The following MPHOSPH9 variants were observed in gnomAD, a reference collection of about 807,000 sequenced individuals.
The protein encoded by MPHOSPH9 is M-phase phosphoprotein 9.
Under a neutral mutation model 145.5 loss-of-function variants are expected in MPHOSPH9, and 88 were observed. The observed-to-expected ratio is 0.60, with a 90% CI of 0.51 to 0.72. MPHOSPH9 has a LOEUF of 0.72. Among genes scored for constraint, MPHOSPH9 ranks in the 30% least tolerant of loss-of-function variants. The pLI is 0.00. For missense variants in MPHOSPH9, 1,238 were observed against 1,386.6 expected (o/e 0.89, Z 1.70); for synonymous variants, 435 against 486.2 (o/e 0.89, Z 1.39).
Position 123,228,461 on chromosome 12 carries a change from G to A in MPHOSPH9, c.105-845C>T, listed in dbSNP as rs564910700. On this transcript the variant is annotated intron_variant, in intron 2 of 23. Coordinates refer to ENST00000606320, the MANE Select transcript of MPHOSPH9 (RefSeq NM_022782.4). ...TCCCAGCACTTTGGGAGGCCAAGGC[G>A]GGCGGATCACCAGGTCAGGAGATCA... 1.8e-4 allele frequency among the ~76,000 whole-genome samples: 28 copies of A among 152,280 alleles called. No individual in the cohort carries two copies. In the South Asian group the frequency reaches 3.1e-3, roughly 17 times the overall value.
chr12:123,202,472 TAAC>T, intron 10 of MPHOSPH9, 149 bp downstream of exon 10: 7 of 1,194,428 alleles, frequency 5.9e-6, no homozygotes, highest in Non-Finnish European at 8.0e-6. Context: ...CACAAAAAGT[TAAC>T]AATCAAGTGA....
At chr12:123,225,530 AAGGG>A (rs2047405991) in intron 3 of MPHOSPH9, among the ~76,000 whole-genome samples, 2 of 50,262 alleles carry the variant, frequency 4.0e-5, no homozygotes, top group South Asian at 1.3e-3. Flanking sequence ...GGAAGAAAGG[AAGGG>A]AGGGAGGGAG....
At chr12:123,197,659 G>A (rs2046024109) in intron 12 of MPHOSPH9, among the ~76,000 whole-genome samples, 1 of 151,962 alleles carries the variant, frequency 6.6e-6, no homozygotes, top group Admixed American at 6.6e-5. Flanking sequence ...GCATGCACCT[G>A]TAGTCCCAGC....
chr12:123,210,195 G>T, intron 7 of MPHOSPH9, 33 bp from the exon 8 acceptor site: 1 of 1,353,768 alleles, frequency 7.4e-7, no homozygotes, highest in Non-Finnish European at 1.0e-6. Flanking sequence ...ATAGAAAAGA[G>T]TGAGAAAAAA....
chr12:123,223,265 T>C (rs2047291277), intron 3 of MPHOSPH9, 138 bp from the exon 4 acceptor site: 6 of 451,290 alleles, frequency 1.3e-5, no homozygotes. Context: ...CTCTCATAGC[T>C]AGAGTATGCT....
At chr12:123,152,524 A>G, downstream of MPHOSPH9, 1 of 455,450 alleles carries the variant, frequency 2.2e-6, no homozygotes, top group Non-Finnish European at 4.4e-6. Flanking sequence ...AAATTGTTAG[A>G]TGTAAAAATT....
chr12:123,180,893 T>C (rs777293649), intron 14 of MPHOSPH9, among the ~76,000 whole-genome samples: 29 of 152,228 alleles, frequency 1.9e-4, no homozygotes, highest in Admixed American at 5.2e-4. Flanking sequence ...TGCATCTGTA[T>C]GGTACCTTAT....
In MPHOSPH9 at chr12:123,239,252, G is replaced by C. The variant is rs2047893971; in HGVS notation, c.-159+4601C>G. On this transcript the variant is annotated intron_variant, in intron 1 of 2. Transcript: ENST00000545406. ...CCACTATACTCCAGCCTGGGTGATG[G>C]AGCCAGACTGGTCTCAAAATAATAA... 2.6e-5 allele frequency among the ~76,000 whole-genome samples: 4 copies of C among 152,192 alleles called. No homozygotes were observed. The South Asian group carries it at 8.3e-4, about 31-fold the overall frequency.
intron 13 of MPHOSPH9, among the ~76,000 whole-genome samples, chr12:123,187,985 G>C (rs1482709877): frequency 6.6e-6 from 1 of 152,138 alleles, no homozygotes; most frequent in African/African-American, 2.4e-5. Context: ...GAATTAGTGA[G>C]GCATGGTGGT....
rs552212201 is a variant in MPHOSPH9, at chr12:123,207,574, C to T, written c.1194+2482G>A. Among the ~76,000 whole-genome samples, 21 of 152,254 alleles carry T rather than the reference C, an allele frequency of 1.4e-4. No homozygotes were observed. The East Asian group carries it at 2.3e-3, about 17-fold the overall frequency. On this transcript the variant is annotated intron_variant, in intron 8 of 23. Transcript: ENST00000606320. ...CCTGATCAAAATACAGAAATGAAGG[C>T]CGGGTGCACTAGCTCATGCCTGTAA...
chr12:123,157,317 ACTTT>A (rs1240982049), intron 23 of MPHOSPH9, among the ~76,000 whole-genome samples: 1 of 152,094 alleles, frequency 6.6e-6, no homozygotes, highest in Non-Finnish European at 1.5e-5. Flanking sequence ...AGATCAAATA[ACTTT>A]CTTCTCACCA....
intron 8 of MPHOSPH9, among the ~76,000 whole-genome samples, chr12:123,206,882 C>A (rs960723122): frequency 6.6e-6 from 1 of 150,758 alleles, no homozygotes; most frequent in Admixed American, 6.6e-5. Flanking sequence ...CCACTGCACT[C>A]CAGCCTGGCA....
chr12:123,153,217 A>G (rs1013344670), downstream of MPHOSPH9: 1 of 152,238 alleles, frequency 6.6e-6, no homozygotes, highest in Non-Finnish European at 1.5e-5. Flanking sequence ...ACCTATATTT[A>G]TACCAAATAA....
rs1486618026 is a variant in MPHOSPH9, at chr12:123,218,587, G to A, written c.873-88C>T. 41 of 1,290,492 alleles carry A rather than the reference G, an allele frequency of 3.2e-5. No homozygotes were observed. In the South Asian group the frequency reaches 3.8e-4, roughly 12 times the overall value. 79.9% of individuals were successfully genotyped at this position (1,290,492 alleles called of 1,614,324 possible). On this transcript the variant is annotated intron_variant, in intron 5 of 23. Coordinates refer to ENST00000606320, the MANE Select transcript of MPHOSPH9 (RefSeq NM_022782.4). ...GTCGCCCAGGCTGGAGTACGGTGGCGCAATCTCAGTTCACTGCAACCTCCA... is the reference window on the plus strand; with the variant it reads ...GTCGCCCAGGCTGGAGTACGGTGGCACAATCTCAGTTCACTGCAACCTCCA...
intron 8 of MPHOSPH9, among the ~76,000 whole-genome samples, chr12:123,209,739 T>C (rs2046620834): frequency 7.0e-6 from 1 of 143,244 alleles, no homozygotes; most frequent in Non-Finnish European, 1.5e-5. Context: ...GTTTTGTTGT[T>C]TTTTTTTTTT....
chr12:123,153,628 C>T (rs1212828327), downstream of MPHOSPH9, among the ~76,000 whole-genome samples: 1 of 151,666 alleles, frequency 6.6e-6, no homozygotes, highest in Non-Finnish European at 1.5e-5. Flanking sequence ...ATTAACCAGG[C>T]GTGGTATGCA....
intron 16 of MPHOSPH9, among the ~76,000 whole-genome samples, chr12:123,175,306 G>A (rs2044794756): frequency 1.3e-5 from 2 of 151,888 alleles, no homozygotes; most frequent in South Asian, 2.1e-4. Flanking sequence ...GCCAGCCACC[G>A]CGCCCGGCTA....
intron 8 of MPHOSPH9, among the ~76,000 whole-genome samples, chr12:123,205,236 C>T (rs1175509649): frequency 6.6e-6 from 1 of 152,160 alleles, no homozygotes; most frequent in Non-Finnish European, 1.5e-5. Context: ...GCATTAAAGG[C>T]ATTAATTTGT....
Position 123,179,986 on chromosome 12 carries a change from G to C in MPHOSPH9, c.2294C>G (p.Ala765Gly). Residue 765 changes from alanine to glycine, a missense_variant, in exon 15 of 24, where the codon GCA (alanine) becomes GGA (glycine). Ala to Gly is a moderately conservative substitution (Grantham distance 60). This residue lies in a region of MPHOSPH9 where 837 missense variants were observed against 897.5 expected (regional missense o/e 0.93). Coordinates refer to ENST00000606320, the MANE Select transcript of MPHOSPH9 (RefSeq NM_022782.4). ...CAATTTGTTCTCAGTTGTATTTAAT[G>C]CATCCTATGGAAATAAAGGAGAAAT... Reference protein sequence around the residue: ...LGKEHRRVKDALNTTENKLLD... With the variant: ...LGKEHRRVKDGLNTTENKLLD... 7.1e-7 allele frequency: 1 copy of C among 1,412,662 alleles called. No homozygotes were observed. The highest frequency in any genetic ancestry group is 9.6e-7 in the Non-Finnish European group (1 of 1,042,928). 87.5% of individuals were successfully genotyped at this position (1,412,662 alleles called of 1,614,324 possible).
Sources: gnomAD v4.1 joint callset for allele counts (sites outside exome capture counted in the v4.1 genomes callset) on GRCh38, gnomAD v4.1.1 for gene constraint, gnomAD v4.1.1 regional missense constraint, MANE v1.5 for transcripts, NCBI Gene and HGNC (gene_info 2026-07-23, HGNC 2026-07-21) for gene names.